Variants in ATOSA observed in about 807,000 individuals in gnomAD.
The protein encoded by ATOSA is atos homolog protein A.
the ATOSA span, among the ~76,000 whole-genome samples, chr15:52,694,167 T>C: frequency 9.3e-6 from 1 of 107,556 alleles, no homozygotes; most frequent in Non-Finnish European, 1.9e-5. Context: ...GATATATATA[T>C]ATTTTTTTTT....
chr15:52,617,262 T>C, the ATOSA span, among the ~76,000 whole-genome samples: 1 of 152,136 alleles, frequency 6.6e-6, no homozygotes, highest in African/African-American at 2.4e-5. Flanking sequence ...AGGCCACATG[T>C]GTCTCCTTCT....
the ATOSA span, among the ~76,000 whole-genome samples, chr15:52,698,707 T>C: frequency 6.6e-6 from 1 of 152,216 alleles, no homozygotes; most frequent in African/African-American, 2.4e-5. Flanking sequence ...GTGATTAACC[T>C]TTCAAGGCAC....
the ATOSA span, among the ~76,000 whole-genome samples, chr15:52,633,512 A>G: frequency 6.6e-6 from 1 of 152,180 alleles, no homozygotes; most frequent in Non-Finnish European, 1.5e-5. Context: ...GTCTCCCTAA[A>G]TTAGTGGCAA....
the ATOSA span, among the ~76,000 whole-genome samples, chr15:52,584,488 C>A: frequency 6.6e-6 from 1 of 151,986 alleles, no homozygotes; most frequent in East Asian, 1.9e-4. Context: ...TGTTTCACTG[C>A]CCCAGATGCA....
At chr15:52,629,455 C>A in the ATOSA span, among the ~76,000 whole-genome samples, 1 of 150,338 alleles carries the variant, frequency 6.7e-6, no homozygotes, top group Non-Finnish European at 1.5e-5. Context: ...ATGAGAGTAT[C>A]ATACGGAATC....
chr15:52,708,818 C>T, the ATOSA span, among the ~76,000 whole-genome samples: 2 of 152,130 alleles, frequency 1.3e-5, no homozygotes, highest in Non-Finnish European at 2.9e-5. Flanking sequence ...AGGCTACCTC[C>T]CTTCCTCCCT....
chr15:52,709,402 C>T, the ATOSA span, among the ~76,000 whole-genome samples: 1 of 152,168 alleles, frequency 6.6e-6, no homozygotes, highest in East Asian at 1.9e-4. Flanking sequence ...AAATGTTTCT[C>T]ATATCTGCTG....
chr15:52,611,643 T>G, the ATOSA span: 5 of 1,614,054 alleles, frequency 3.1e-6, no homozygotes, highest in South Asian at 2.2e-5. Flanking sequence ...CAGGATCATT[T>G]AGATCAATTC....
chr15:52,708,126 A>G, the ATOSA span, among the ~76,000 whole-genome samples: 1 of 152,184 alleles, frequency 6.6e-6, no homozygotes, highest in Non-Finnish European at 1.5e-5. Context: ...AAAATGAAAA[A>G]TGAACAAAAT....
the ATOSA span, among the ~76,000 whole-genome samples, chr15:52,659,118 A>G: frequency 1.3e-5 from 2 of 152,180 alleles, no homozygotes; most frequent in African/African-American, 2.4e-5. Context: ...ATCATAGGGT[A>G]ACCTCAGCTT....
At chr15:52,601,450 T>C in the ATOSA span, among the ~76,000 whole-genome samples, 1 of 151,348 alleles carries the variant, frequency 6.6e-6, no homozygotes, top group African/African-American at 2.4e-5. Flanking sequence ...AATTCCAATA[T>C]ATAATATAAG....
the ATOSA span, among the ~76,000 whole-genome samples, chr15:52,610,650 T>C: frequency 6.6e-6 from 1 of 152,216 alleles, no homozygotes; most frequent in Non-Finnish European, 1.5e-5. Flanking sequence ...AACTTAAAAA[T>C]ATTTGTTAAA....
chr15:52,706,320 C>G, the ATOSA span, among the ~76,000 whole-genome samples: 1 of 152,186 alleles, frequency 6.6e-6, no homozygotes, highest in South Asian at 2.1e-4. Flanking sequence ...TTTGTGAACA[C>G]AGGATCTTGA....
chr15:52,683,297 A>G, the ATOSA span, among the ~76,000 whole-genome samples: 2 of 152,260 alleles, frequency 1.3e-5, no homozygotes, highest in African/African-American at 2.4e-5. Context: ...TCCCAAAGCT[A>G]TATTTAATAA....
the ATOSA span, chr15:52,613,822 C>CCT: frequency 6.2e-7 from 1 of 1,613,812 alleles, no homozygotes; most frequent in East Asian, 2.2e-5. Context: ...ACCAAGAACT[C>CCT]CTCTGCATCA....
At chr15:52,679,492 C>T in the ATOSA span, 1 of 152,424 alleles carries the variant, frequency 6.6e-6, no homozygotes, top group East Asian at 1.9e-4. Context: ...AATGCCGCCG[C>T]TCGCCCCGGG....
chr15:52,643,590 CTT>C, the ATOSA span, among the ~76,000 whole-genome samples: 18 of 136,594 alleles, frequency 1.3e-4, no homozygotes, highest in Non-Finnish European at 1.9e-4. Flanking sequence ...GCCTTGAACT[CTT>C]TTTTTTTTTT....
chr15:52,670,020 A>C, the ATOSA span, among the ~76,000 whole-genome samples: 1 of 152,286 alleles, frequency 6.6e-6, no homozygotes, highest in South Asian at 2.1e-4. Context: ...ACTGTTCATT[A>C]GGGTCTACTA....
chr15:52,644,774 T>G, the ATOSA span, among the ~76,000 whole-genome samples: 11 of 152,192 alleles, frequency 7.2e-5, no homozygotes, highest in African/African-American at 2.7e-4. Flanking sequence ...TCACTAAATC[T>G]CTACATCAAG....
Sources: allele counts gnomAD v4.1 joint callset (sites outside exome capture counted in the v4.1 genomes callset), GRCh38; gene constraint gnomAD v4.1.1; transcripts MANE v1.5; gene names NCBI Gene and HGNC (gene_info 2026-07-23, HGNC 2026-07-21).